Variants in PXYLP1 observed in about 807,000 individuals in gnomAD.
PXYLP1 encodes 2-phosphoxylose phosphatase 1.
PXYLP1 carries 17 observed loss-of-function variants against 37.9 expected under a neutral mutation model. The ratio of observed to expected loss-of-function variants is 0.45; its 90% confidence interval spans 0.31 to 0.67. PXYLP1 has a LOEUF of 0.67. Among genes scored for constraint, PXYLP1 ranks in the 30% least tolerant of loss-of-function variants. The pLI, the probability that PXYLP1 is intolerant of heterozygous loss-of-function variation, is 0.07. For missense variants in PXYLP1, 511 were observed against 612.0 expected (o/e 0.84, Z 1.74); for synonymous variants, 221 against 232.2 (o/e 0.95, Z 0.44).
At chr3:141,289,420 T>C (rs1016459359) in intron 5 of PXYLP1, among the ~76,000 whole-genome samples, 10 of 152,058 alleles carry the variant, frequency 6.6e-5, no homozygotes, top group Non-Finnish European at 1.3e-4. Flanking sequence ...ACCCACTAGG[T>C]GCCAGGAATG....
chr3:141,245,957 G>A (rs1940925274), intron 1 of PXYLP1, among the ~76,000 whole-genome samples: 1 of 152,234 alleles, frequency 6.6e-6, no homozygotes, highest in Non-Finnish European at 1.5e-5. Flanking sequence ...CCAGGAGTCA[G>A]TGTGGTATGA....
At chr3:141,272,742 A>T (rs1384954789) in intron 2 of PXYLP1, 1 of 153,354 alleles carries the variant, frequency 6.5e-6, no homozygotes, top group Admixed American at 6.6e-5. Flanking sequence ...CATGGGAGAA[A>T]GATGTAGGTT....
At chr3:141,269,934 C>T (rs1349739364) in intron 2 of PXYLP1, among the ~76,000 whole-genome samples, 1 of 152,246 alleles carries the variant, frequency 6.6e-6, no homozygotes, top group East Asian at 1.9e-4. Context: ...GCAACTGGGG[C>T]TCAAGCCCAG....
chr3:141,271,820 G>C (rs1341121117), intron 2 of PXYLP1, among the ~76,000 whole-genome samples: 3 of 152,196 alleles, frequency 2.0e-5, no homozygotes, highest in Non-Finnish European at 4.4e-5. Flanking sequence ...CCTCATCCCT[G>C]GGCTAGTTAG....
chr3:141,241,738 AG>A (rs1371115457), intron 1 of PXYLP1, among the ~76,000 whole-genome samples: 1 of 152,228 alleles, frequency 6.6e-6, no homozygotes, highest in African/African-American at 2.4e-5. Flanking sequence ...GAAAAGGACC[AG>A]CCCCCATGGA....
intron 1 of PXYLP1, among the ~76,000 whole-genome samples, chr3:141,242,649 C>G (rs1940837604): frequency 6.6e-6 from 1 of 152,200 alleles, no homozygotes; most frequent in Non-Finnish European, 1.5e-5. Context: ...CTGCACTTTG[C>G]TTCAAGCTGG....
In PXYLP1 at chr3:141,279,375, C is replaced by T. The variant is rs773609750; in HGVS notation, c.239-3C>T. ...AACCAGACAATGTGCTTCTCTCGCGCAGGTCATGCCCCGCATCATTTTAAG... is the reference window on the plus strand; with the variant it reads ...AACCAGACAATGTGCTTCTCTCGCGTAGGTCATGCCCCGCATCATTTTAAG... On this transcript the variant is annotated splice_region_variant and splice_polypyrimidine_tract_variant and intron_variant, in intron 3 of 5. Transcript: ENST00000286353. 1.1e-5 allele frequency: 18 copies of T among 1,614,010 alleles called. No homozygotes were observed. In the African/African-American group the frequency reaches 2.0e-4, roughly 18 times the overall value.
At chr3:141,246,098 C>A (rs556365236) in intron 1 of PXYLP1, among the ~76,000 whole-genome samples, 9 of 152,238 alleles carry the variant, frequency 5.9e-5, no homozygotes, top group Admixed American at 2.6e-4. Flanking sequence ...GCAAGGATGA[C>A]CTGGGTGTAA....
At chr3:141,271,432 A>C (rs1399398458) in intron 2 of PXYLP1, among the ~76,000 whole-genome samples, 1 of 152,186 alleles carries the variant, frequency 6.6e-6, no homozygotes, top group Non-Finnish European at 1.5e-5. Context: ...CAAAAAGGGC[A>C]AGGCAGACCC....
intron 2 of PXYLP1, among the ~76,000 whole-genome samples, chr3:141,261,088 T>A (rs1941384228): frequency 6.6e-6 from 1 of 152,250 alleles, no homozygotes; most frequent in African/African-American, 2.4e-5. Context: ...GCTTCTTTTA[T>A]ATACATCAGG....
At chr3:141,274,571 A>G (rs1350829821) in intron 2 of PXYLP1, 1 of 1,019,770 alleles carries the variant, frequency 9.8e-7, no homozygotes. Context: ...ATGAGGAGTC[A>G]ATGAGATATT....
rs533528203 is a variant in PXYLP1 at position 141,254,997 on chromosome 3, T to C, written c.-53-5126T>C. Among the ~76,000 whole-genome samples, 6 of 152,352 alleles carry C rather than the reference T, an allele frequency of 3.9e-5. No individual in the cohort carries two copies. In the East Asian group the frequency reaches 9.6e-4, roughly 24 times the overall value. Reference sequence around the variant, plus strand: ...TACAAGGTGAAAAATAGGCCAAGGCTTGGGCCCTGGAACTCTCTGGTGGTA... The same window carrying C: ...TACAAGGTGAAAAATAGGCCAAGGCCTGGGCCCTGGAACTCTCTGGTGGTA... On this transcript the variant is annotated intron_variant, in intron 1 of 5. Coordinates refer to ENST00000286353, the MANE Select transcript of PXYLP1 (RefSeq NM_001037172.3).
At chr3:141,291,461 TG>T (rs1559898489) in intron 5 of PXYLP1, 1 of 152,260 alleles carries the variant, frequency 6.6e-6, no homozygotes, top group Admixed American at 6.5e-5. Flanking sequence ...ACCTCATTTT[TG>T]TACCTCCGTC....
chr3:141,291,859 C>T lies in PXYLP1; in HGVS notation c.506-409C>T, dbSNP rs139306462. 4.9e-3 allele frequency: 837 copies of T among 172,118 alleles called. 8 individuals carry two copies. Among genetic ancestry groups the T allele is most frequent in the African/African-American group, 0.019 (790 of 42,044 alleles). 10.7% of individuals were successfully genotyped at this position (172,118 alleles called of 1,614,324 possible). ...CCTTCGCCTGAGCGGTTTCACTGAGCACTCGCTGCACACTGAGGAATGCTG... is the reference window on the plus strand; with the variant it reads ...CCTTCGCCTGAGCGGTTTCACTGAGTACTCGCTGCACACTGAGGAATGCTG... On this transcript the variant is annotated intron_variant, in intron 5 of 5. Transcript: ENST00000286353.
At position 141,262,597 on chromosome 3, in the gene PXYLP1, G is replaced by A. The variant is rs114957559; in HGVS notation, c.79+2343G>A. ...TCTGTTTTAGGAAAGCCAATTTTCA[G>A]CCATACTTTTTTAAGGAAAATTTTG... On this transcript the variant is annotated intron_variant, in intron 2 of 5. Transcript: ENST00000286353. 1.4e-3 allele frequency: 1,995 copies of A among 1,458,884 alleles called. 25 individuals are homozygous for A. In the South Asian group the frequency reaches 0.014, roughly 10 times the overall value. 90.4% of individuals were successfully genotyped at this position (1,458,884 alleles called of 1,614,324 possible). A position where few individuals can be genotyped will look rare whatever the true frequency, so the allele number is the denominator to read the frequency against.
chr3:141,285,767 C>T (rs892815575), intron 4 of PXYLP1, among the ~76,000 whole-genome samples: 2 of 152,148 alleles, frequency 1.3e-5, no homozygotes, highest in African/African-American at 4.8e-5. Context: ...CTCTTGGCAG[C>T]CTCATTGTCA....
intron 4 of PXYLP1, among the ~76,000 whole-genome samples, 199 bp from the exon 5 acceptor site, chr3:141,287,115 A>G (rs774334552): frequency 9.9e-5 from 15 of 152,224 alleles, no homozygotes; most frequent in Admixed American, 5.2e-4. Context: ...ACTCTGGCCA[A>G]CCTCACAGAG....
intron 1 of PXYLP1, chr3:141,258,331 GA>G (rs1941312445): frequency 6.6e-6 from 1 of 152,314 alleles, no homozygotes; most frequent in African/African-American, 2.4e-5. Context: ...TTCGGGCACG[GA>G]GGCACTGACT....
At position 141,261,041 on chromosome 3, in the gene PXYLP1, C is replaced by T. The variant is rs758223195; in HGVS notation, c.79+787C>T. 6.3e-3 allele frequency among the ~76,000 whole-genome samples: 963 copies of T among 152,324 alleles called. 5 individuals carry two copies. Among genetic ancestry groups the T allele is most frequent in the Non-Finnish European group, 8.2e-3 (556 of 68,026 alleles). On this transcript the variant is annotated intron_variant, in intron 2 of 5. Coordinates refer to ENST00000286353, the MANE Select transcript of PXYLP1 (RefSeq NM_001037172.3). Reference sequence around the variant, plus strand: ...TTCCCTTTCAGCCCTTGCCCCTTCTCCTCTAGGACCCTTCCAGGAATACTT... The same window carrying T: ...TTCCCTTTCAGCCCTTGCCCCTTCTTCTCTAGGACCCTTCCAGGAATACTT...
Sources: allele counts gnomAD v4.1 joint callset (sites outside exome capture counted in the v4.1 genomes callset), GRCh38; gene constraint gnomAD v4.1.1; transcripts MANE v1.5; gene names NCBI Gene and HGNC (gene_info 2026-07-23, HGNC 2026-07-21).